BICRAL: variants seen among roughly 807,000 people sequenced by gnomAD.
BICRAL encodes the protein BRD4-interacting chromatin-remodeling complex-associated protein-like.
BICRAL carries 8 observed loss-of-function variants against 91.8 expected under a neutral mutation model. The ratio of observed to expected loss-of-function variants is 0.09; its 90% CI spans 0.05 to 0.16. BICRAL has a LOEUF of 0.16. Among genes scored for constraint, BICRAL ranks in the 10% least tolerant of loss-of-function variants. The probability of loss-of-function intolerance (pLI) is 1.00; values close to 1 mark genes in which losing one functional copy is unlikely to be tolerated. For synonymous variants in BICRAL, 445 were observed against 491.1 expected, an observed-to-expected ratio of 0.91 and a Z score of 1.24; for missense variants, 1,038 against 1,310.9, an observed-to-expected ratio of 0.79 and a Z score of 3.21.
intron 1 of BICRAL, among the ~76,000 whole-genome samples, chr6:42,759,784 C>T (rs539553757): frequency 1.3e-5 from 2 of 152,236 alleles, no homozygotes; most frequent in South Asian, 4.2e-4. Context: ...TGGGTTTCGC[C>T]CTCTGTTGGT....
chr6:42,864,214 C>T (rs954350862), intron 12 of BICRAL, among the ~76,000 whole-genome samples: 6 of 151,736 alleles, frequency 4.0e-5, no homozygotes, highest in Non-Finnish European at 8.8e-5. Flanking sequence ...GTGGCGGGCG[C>T]CTGTAATCCC....
intron 9 of BICRAL, among the ~76,000 whole-genome samples, chr6:42,856,189 G>C (rs1765345599): frequency 6.6e-6 from 1 of 151,210 alleles, no homozygotes; most frequent in South Asian, 2.1e-4. Context: ...TGGTGGTACG[G>C]GCCTGTAGTC....
intron 1 of BICRAL, among the ~76,000 whole-genome samples, chr6:42,805,530 T>A (rs1437768909): frequency 1.1e-4 from 17 of 152,328 alleles, no homozygotes; most frequent in Non-Finnish European, 2.2e-4. Context: ...GTTGCAGGTT[T>A]GCCATCCTGT....
At chr6:42,807,661 C>G (rs1457874263) in intron 1 of BICRAL, among the ~76,000 whole-genome samples, 1 of 151,494 alleles carries the variant, frequency 6.6e-6, no homozygotes, top group African/African-American at 2.4e-5. Flanking sequence ...CAAATATTAG[C>G]TGGGCGTGGT....
chr6:42,806,128 C>T (rs907459479), intron 1 of BICRAL, among the ~76,000 whole-genome samples: 2 of 152,182 alleles, frequency 1.3e-5, no homozygotes, highest in African/African-American at 4.8e-5. Context: ...ATCTTTCCTT[C>T]AGTCAGGTTG....
chr6:42,789,583 A>C (rs972590210), intron 1 of BICRAL, among the ~76,000 whole-genome samples: 1 of 150,462 alleles, frequency 6.6e-6, no homozygotes, highest in Non-Finnish European at 1.5e-5. Flanking sequence ...CAGACATTGG[A>C]GTGAGCTGAG....
chr6:42,801,266 AAGAG>A (rs386406868), intron 1 of BICRAL, among the ~76,000 whole-genome samples: 1 of 151,558 alleles, frequency 6.6e-6, no homozygotes, highest in African/African-American at 2.4e-5. Context: ...AAAAAAAAAA[AAGAG>A]AGCGAGAGAG....
intron 5 of BICRAL, among the ~76,000 whole-genome samples, chr6:42,825,564 CAAA>C (rs998740505): frequency 8.3e-6 from 1 of 120,042 alleles, no homozygotes. Context: ...GACTCGGTCT[CAAA>C]AAAAAAAAAA....
At chr6:42,849,568 T>C (rs1349723406) in intron 6 of BICRAL, among the ~76,000 whole-genome samples, 1 of 151,808 alleles carries the variant, frequency 6.6e-6, no homozygotes, top group Non-Finnish European at 1.5e-5. Context: ...GCTTCTCAAG[T>C]AGCTGGGGCT....
At chr6:42,773,096 T>C (rs1315894473) in intron 1 of BICRAL, among the ~76,000 whole-genome samples, 1 of 151,554 alleles carries the variant, frequency 6.6e-6, no homozygotes, top group Non-Finnish European at 1.5e-5. Context: ...TTTTTTTTTT[T>C]GAGACGGAGT....
chr6:42,779,833 C>G (rs920529787), upstream of BICRAL, among the ~76,000 whole-genome samples: 10 of 152,250 alleles, frequency 6.6e-5, no homozygotes, highest in African/African-American at 2.2e-4. Flanking sequence ...GTTGACCAAG[C>G]TGCTCTTGAA....
intron 1 of BICRAL, among the ~76,000 whole-genome samples, chr6:42,802,512 G>C (rs1403512510): frequency 6.6e-6 from 1 of 151,778 alleles, no homozygotes; most frequent in African/African-American, 2.4e-5. Flanking sequence ...GCAGTGGCAC[G>C]ATCTCGGCTC....
chr6:42,810,190 A>C (rs1467645280), intron 1 of BICRAL, 116 bp from the exon 2 acceptor site: 2 of 152,214 alleles, frequency 1.3e-5, no homozygotes, highest in Non-Finnish European at 1.5e-5. Flanking sequence ...AAATAAATGA[A>C]GAAATCCTTG....
intron 8 of BICRAL, among the ~76,000 whole-genome samples, chr6:42,855,403 G>A (rs777300934): frequency 1.3e-5 from 2 of 152,136 alleles, no homozygotes; most frequent in African/African-American, 4.8e-5. Flanking sequence ...ATTAACAGGC[G>A]TGGTGGTGCA....
At chr6:42,767,079 G>A (rs900093991) in intron 1 of BICRAL, among the ~76,000 whole-genome samples, 33 of 151,784 alleles carry the variant, frequency 2.2e-4, no homozygotes, top group African/African-American at 6.5e-4. Context: ...TTGAACCTGG[G>A]AGGCAGAGGT....
Position 42,752,206 on chromosome 6 carries a change from C to T in BICRAL, c.-261+5183C>T, listed in dbSNP as rs573033956. Reference sequence around the variant, plus strand: ...CAGCCTTTTCCTTCTGCCTTTGCCCCTGGCGCTCTCCTCTGCCTCAACGCC... The same window carrying T: ...CAGCCTTTTCCTTCTGCCTTTGCCCTTGGCGCTCTCCTCTGCCTCAACGCC... On this transcript the variant is annotated intron_variant, in intron 1 of 14. Coordinates refer to the BICRAL transcript ENST00000614467. Among the ~76,000 whole-genome samples, 271 of 152,310 alleles carry T rather than the reference C, an allele frequency of 1.8e-3. 1 individual carries two copies. The highest frequency in any genetic ancestry group is 6.0e-3 in the Admixed American group (92 of 15,286).
At chr6:42,854,616 C>T (rs1205408829) in intron 8 of BICRAL, among the ~76,000 whole-genome samples, 2 of 152,180 alleles carry the variant, frequency 1.3e-5, no homozygotes, top group African/African-American at 4.8e-5. Flanking sequence ...CACCTGGGCT[C>T]ATGCGATCCT....
intron 6 of BICRAL, among the ~76,000 whole-genome samples, chr6:42,843,946 G>A (rs546386119): frequency 1.9e-3 from 291 of 150,206 alleles, no homozygotes; most frequent in African/African-American, 6.4e-3. Context: ...TTACAGGTGC[G>A]CGTCACCATG....
chr6:42,753,415 T>C (rs1033690215), intron 1 of BICRAL, among the ~76,000 whole-genome samples: 1 of 152,028 alleles, frequency 6.6e-6, no homozygotes, highest in African/African-American at 2.4e-5. Flanking sequence ...TGGTGGGGGT[T>C]GCCTTGTTGG....
Sources: allele counts gnomAD v4.1 joint callset (sites outside exome capture counted in the v4.1 genomes callset), GRCh38; gene constraint gnomAD v4.1.1; transcripts MANE v1.5; gene names NCBI Gene and HGNC (gene_info 2026-07-23, HGNC 2026-07-21).